C10orf90: variants seen among roughly 807,000 people sequenced by gnomAD.
C10orf90 encodes the protein chromosome 10 open reading frame 90, also known as (E2-independent) E3 ubiquitin-conjugating enzyme FATS.
C10orf90 carries 56 observed loss-of-function variants against 62.5 expected under a neutral mutation model. The ratio of observed to expected loss-of-function variants is 0.90; its 90% CI spans 0.72 to 1.12. The LOEUF is 1.12. Among genes scored for constraint, C10orf90 ranks in the 50% most tolerant of loss-of-function variants. The probability of loss-of-function intolerance (pLI) is 0.00; values close to 1 mark genes in which losing one functional copy is unlikely to be tolerated. For missense variants in C10orf90, 970 were observed against 880.4 expected (o/e 1.10, Z -1.29); for synonymous variants, 386 against 340.4 (o/e 1.13, Z -1.47).
At chr10:126,429,894 C>T (rs376826423) in intron 7 of C10orf90, 44 bp from the exon 8 acceptor site, 42 of 1,489,160 alleles carry the variant, frequency 2.8e-5, no homozygotes, top group Non-Finnish European at 3.9e-5. Context: ...GGCATAGAAT[C>T]TCACACATTT....
intron 3 of C10orf90, among the ~76,000 whole-genome samples, chr10:126,509,872 A>C (rs564136034): frequency 6.6e-6 from 1 of 152,332 alleles, no homozygotes; most frequent in Non-Finnish European, 1.5e-5. Context: ...TGCCAGGGCT[A>C]CCATAGCACC....
intron 2 of C10orf90, among the ~76,000 whole-genome samples, chr10:126,639,807 T>C (rs1348213780): frequency 6.6e-6 from 1 of 152,204 alleles, no homozygotes; most frequent in Non-Finnish European, 1.5e-5. Context: ...CTTTTTAAAT[T>C]AGATTATGTT....
intron 4 of C10orf90, among the ~76,000 whole-genome samples, chr10:126,480,557 G>T (rs749971907): frequency 2.8e-4 from 43 of 152,200 alleles, no homozygotes; most frequent in Non-Finnish European, 1.6e-4. Flanking sequence ...GGAGATGAAG[G>T]TTGTCCCCAG....
At chr10:126,645,303 C>T (rs1475499473) in intron 2 of C10orf90, among the ~76,000 whole-genome samples, 3 of 148,858 alleles carry the variant, frequency 2.0e-5, no homozygotes, top group Non-Finnish European at 3.0e-5. Context: ...TGCAGTGGCT[C>T]ATGCCAGCAA....
At chr10:126,442,497 A>ATATATATATATATATATATATATATC (rs1168803860) in intron 7 of C10orf90, among the ~76,000 whole-genome samples, 11 of 110,420 alleles carry the variant, frequency 1.0e-4, no homozygotes, top group Admixed American at 9.2e-4. Flanking sequence ...ATATATATAT[A>ATATATATATATATATATATATATATC]TATATATATA....
At chr10:126,463,958 A>G (rs1860143559) in intron 5 of C10orf90, among the ~76,000 whole-genome samples, 1 of 117,346 alleles carries the variant, frequency 8.5e-6, no homozygotes, top group Non-Finnish European at 1.8e-5. Context: ...AATTGCCATA[A>G]CCAATTTAAA....
Position 126,460,113 on chromosome 10 carries a change from C to G in C10orf90, c.2011-896G>C, listed in dbSNP as rs117095975. On this transcript the variant is annotated intron_variant, in intron 6 of 9. Transcript: ENST00000488181. Reference sequence around the variant, plus strand: ...TTCCTATTCCTTGAGTGTCTCTGCTCAAGTTGTCCCCAGCCTGAAGTACCA... The same window carrying G: ...TTCCTATTCCTTGAGTGTCTCTGCTGAAGTTGTCCCCAGCCTGAAGTACCA... 3.2e-3 allele frequency among the ~76,000 whole-genome samples: 489 copies of G among 152,322 alleles called. 6 individuals are homozygous for G. The East Asian group carries it at 0.048, about 15-fold the overall frequency.
At chr10:126,588,855 A>T (rs911159443) in intron 2 of C10orf90, among the ~76,000 whole-genome samples, 13 of 152,182 alleles carry the variant, frequency 8.5e-5, no homozygotes, top group African/African-American at 3.1e-4. Context: ...GCTGAAACAG[A>T]TGGCTGAACT....
At chr10:126,499,555 C>A (rs1484810188) in intron 4 of C10orf90, among the ~76,000 whole-genome samples, 1 of 152,136 alleles carries the variant, frequency 6.6e-6, no homozygotes, top group Non-Finnish European at 1.5e-5. Flanking sequence ...TTGTTATCTG[C>A]CCTTGAGTGG....
At position 126,520,304 on chromosome 10, in the gene C10orf90, G is replaced by A. The variant is rs369116249; in HGVS notation, c.314-6365C>T. ...AACCTTCTTGACATTGCCAGTTTGTGACCGTGAAGGCCACATGGTCCTCCA... is the reference window on the plus strand; with the variant it reads ...AACCTTCTTGACATTGCCAGTTTGTAACCGTGAAGGCCACATGGTCCTCCA... On this transcript the variant is annotated intron_variant, in intron 2 of 9. Coordinates refer to ENST00000488181, the MANE Select transcript of C10orf90 (RefSeq NM_001350921.2). The A allele has an allele frequency of 7.2e-5, 11 of 152,236 alleles. No individual in the cohort carries two copies. In the East Asian group the frequency reaches 1.4e-3, roughly 19 times the overall value. The allele number at this position is 152,236 out of a possible 1,614,324, so 9.4% of individuals were successfully genotyped here.
intron 1 of C10orf90, among the ~76,000 whole-genome samples, chr10:126,648,459 A>G (rs960002460): frequency 2.6e-5 from 4 of 152,228 alleles, no homozygotes; most frequent in Non-Finnish European, 5.9e-5. Flanking sequence ...AGCAGCACAA[A>G]GAAGACTAAG....
At chr10:126,538,928 T>G (rs1324493156) in intron 2 of C10orf90, among the ~76,000 whole-genome samples, 1 of 152,192 alleles carries the variant, frequency 6.6e-6, no homozygotes, top group Non-Finnish European at 1.5e-5. Context: ...ATATTTAATA[T>G]GTTGAAGTGA....
At chr10:126,626,948 A>G (rs915390497) in intron 2 of C10orf90, among the ~76,000 whole-genome samples, 3 of 151,852 alleles carry the variant, frequency 2.0e-5, no homozygotes, top group Non-Finnish European at 4.4e-5. Context: ...CAGTGAAACC[A>G]GGTTGAACAG....
At chr10:126,525,504 C>T (rs537855754) in intron 2 of C10orf90, among the ~76,000 whole-genome samples, 1 of 152,166 alleles carries the variant, frequency 6.6e-6, no homozygotes, top group Non-Finnish European at 1.5e-5. Context: ...AGAGCCGGAG[C>T]CTGCAGAGAT....
intron 1 of C10orf90, among the ~76,000 whole-genome samples, chr10:126,653,931 G>A (rs996190759): frequency 6.6e-6 from 1 of 152,178 alleles, no homozygotes; most frequent in Non-Finnish European, 1.5e-5. Flanking sequence ...TTGGGTAACT[G>A]GGTACATTGT....
At chr10:126,457,865 C>A (rs537682979) in intron 7 of C10orf90, among the ~76,000 whole-genome samples, 2 of 152,288 alleles carry the variant, frequency 1.3e-5, no homozygotes, top group South Asian at 2.1e-4. Flanking sequence ...CCCCATTGAA[C>A]CTTTATCTGC....
At chr10:126,521,377 G>C (rs1037427694) in intron 2 of C10orf90, 24 of 1,612,322 alleles carry the variant, frequency 1.5e-5, no homozygotes, top group Non-Finnish European at 1.9e-5. Flanking sequence ...TTAATGACAA[G>C]GATGTATTTG....
intron 2 of C10orf90, among the ~76,000 whole-genome samples, chr10:126,611,285 A>C (rs930404773): frequency 6.6e-6 from 1 of 152,198 alleles, no homozygotes. Context: ...TTCCCTTAGC[A>C]TAATGTACTC....
chr10:126,661,319 T>C (rs190247128), intron 1 of C10orf90, among the ~76,000 whole-genome samples: 1 of 152,352 alleles, frequency 6.6e-6, no homozygotes, highest in East Asian at 1.9e-4. Context: ...CAACCCTTTA[T>C]ATAGGTTATC....
Sources: allele counts gnomAD v4.1 joint callset (sites outside exome capture counted in the v4.1 genomes callset), GRCh38; gene constraint gnomAD v4.1.1; transcripts MANE v1.5; gene names NCBI Gene and HGNC (gene_info 2026-07-23, HGNC 2026-07-21).